TBL1XR1: variants seen among roughly 807,000 people sequenced by gnomAD.
TBL1XR1 encodes TBL1X/Y related 1.
TBL1XR1 carries 5 observed loss-of-function variants against 66.9 expected under a neutral mutation model. The ratio of observed to expected loss-of-function variants is 0.07; its 90% CI spans 0.04 to 0.16. TBL1XR1 has a LOEUF of 0.16. Among genes scored for constraint, TBL1XR1 ranks in the 10% least tolerant of loss-of-function variants. The pLI, the probability that TBL1XR1 is intolerant of heterozygous loss-of-function variation, is 1.00. For missense variants in TBL1XR1, 238 were observed against 623.2 expected (o/e 0.38, Z 6.58); for synonymous variants, 210 against 206.0 (o/e 1.02, Z -0.17).
At chr3:177,191,039 A>T (rs147818363) in intron 1 of TBL1XR1, among the ~76,000 whole-genome samples, 101 of 152,314 alleles carry the variant, frequency 6.6e-4, no homozygotes, top group African/African-American at 2.3e-3. Context: ...TATAAGAAGG[A>T]CAAAGGGAAC....
chr3:177,042,890 G>A (rs1036457080), intron 10 of TBL1XR1, among the ~76,000 whole-genome samples: 2 of 151,844 alleles, frequency 1.3e-5, no homozygotes, highest in African/African-American at 4.8e-5. Flanking sequence ...GAAGAAGGAT[G>A]CATTTATTAC....
intron 4 of TBL1XR1, 122 bp downstream of exon 4, chr3:177,053,651 T>C (rs529050281): frequency 3.2e-6 from 3 of 929,420 alleles, no homozygotes; most frequent in East Asian, 2.6e-5. Context: ...AGGGATGAAC[T>C]GCCTGCACTT....
At chr3:177,186,794 T>C (rs757566040) in intron 1 of TBL1XR1, among the ~76,000 whole-genome samples, 1 of 152,186 alleles carries the variant, frequency 6.6e-6, no homozygotes, top group Non-Finnish European at 1.5e-5. Context: ...ACTCATAAAA[T>C]TGAAATCATG....
intron 1 of TBL1XR1, among the ~76,000 whole-genome samples, chr3:177,196,025 G>C (rs1248399039): frequency 1.3e-5 from 2 of 151,984 alleles, no homozygotes; most frequent in Non-Finnish European, 2.9e-5. Flanking sequence ...CTAACAAAGA[G>C]AGCATTTTTT....
intron 1 of TBL1XR1, among the ~76,000 whole-genome samples, chr3:177,124,865 G>A (rs532446024): frequency 1.3e-5 from 2 of 152,096 alleles, no homozygotes; most frequent in African/African-American, 2.4e-5. Flanking sequence ...TACGACAACT[G>A]AACAGCTAAA....
At chr3:177,106,743 C>T (rs1724939869) in intron 1 of TBL1XR1, among the ~76,000 whole-genome samples, 1 of 152,058 alleles carries the variant, frequency 6.6e-6, no homozygotes, top group African/African-American at 2.4e-5. Flanking sequence ...GAAGACAGTC[C>T]GCTAACAGGG....
intron 1 of TBL1XR1, among the ~76,000 whole-genome samples, chr3:177,148,012 G>GACAC (rs1730455422): frequency 6.6e-6 from 1 of 152,194 alleles, no homozygotes; most frequent in South Asian, 2.1e-4. Context: ...CATTAAGAAA[G>GACAC]TTATCTCTGT....
At chr3:177,163,272 C>G (rs796921540) in intron 1 of TBL1XR1, among the ~76,000 whole-genome samples, 105 of 152,148 alleles carry the variant, frequency 6.9e-4, no homozygotes, top group African/African-American at 2.4e-3. Context: ...TTTGGGAGGC[C>G]AAGGCGGGCA....
At chr3:177,035,441 G>A (rs1198914816) in intron 12 of TBL1XR1, among the ~76,000 whole-genome samples, 4 of 132,218 alleles carry the variant, frequency 3.0e-5, no homozygotes, top group African/African-American at 1.2e-4. Flanking sequence ...TGGAGATGAA[G>A]TCTCACTCTC....
At chr3:177,037,391 G>C (rs1224843600) in intron 12 of TBL1XR1, 1 of 152,162 alleles carries the variant, frequency 6.6e-6, no homozygotes, top group Admixed American at 6.5e-5. Flanking sequence ...CTGAGTCACA[G>C]GGTACAGATA....
intron 10 of TBL1XR1, among the ~76,000 whole-genome samples, chr3:177,042,823 T>C (rs1715774195): frequency 6.6e-6 from 1 of 152,150 alleles, no homozygotes; most frequent in Admixed American, 6.5e-5. Context: ...TCTGATTTAC[T>C]TTCATTAACC....
chr3:177,196,703 T>C (rs76283107), intron 1 of TBL1XR1, among the ~76,000 whole-genome samples: 1 of 149,646 alleles, frequency 6.7e-6, no homozygotes, highest in Non-Finnish European at 1.5e-5. Context: ...GGCTCCTTGA[T>C]TCAATTTGCT....
At chr3:177,139,108 G>A (rs1456782797) in intron 1 of TBL1XR1, among the ~76,000 whole-genome samples, 2 of 152,110 alleles carry the variant, frequency 1.3e-5, no homozygotes, top group Non-Finnish European at 2.9e-5. Context: ...TCAGCGAACA[G>A]ACAAACATAT....
At chr3:177,036,599 GTTT>G (rs1714821664) in intron 12 of TBL1XR1, among the ~76,000 whole-genome samples, 1 of 152,146 alleles carries the variant, frequency 6.6e-6, no homozygotes, top group Non-Finnish European at 1.5e-5. Context: ...TCCAGAAGAA[GTTT>G]TTTTCATGTT....
At chr3:177,066,954 C>G (rs1043347256) in intron 2 of TBL1XR1, among the ~76,000 whole-genome samples, 1 of 152,118 alleles carries the variant, frequency 6.6e-6, no homozygotes, top group Non-Finnish European at 1.5e-5. Context: ...TTTATATAAC[C>G]TGAATGTTTA....
chr3:177,055,694 T>C (rs1717718798), intron 3 of TBL1XR1, among the ~76,000 whole-genome samples: 1 of 151,960 alleles, frequency 6.6e-6, no homozygotes, highest in East Asian at 1.9e-4. Flanking sequence ...GGAGAAACAA[T>C]GAGAGACATA....
chr3:177,047,670 CT>C, intron 7 of TBL1XR1, 121 bp from the exon 8 acceptor site: 2 of 1,196,484 alleles, frequency 1.7e-6, no homozygotes, highest in Non-Finnish European at 2.4e-6. Context: ...TGCTTCAAAA[CT>C]TGTCAGTTTT....
At chr3:177,187,766 G>GA (rs1455628307) in intron 1 of TBL1XR1, among the ~76,000 whole-genome samples, 4 of 151,306 alleles carry the variant, frequency 2.6e-5, no homozygotes, top group Admixed American at 1.3e-4. Context: ...AGGTTATCAG[G>GA]AAAAAAAGCA....
intron 2 of TBL1XR1, among the ~76,000 whole-genome samples, chr3:177,066,033 A>T (rs1008875708): frequency 3.3e-5 from 5 of 152,174 alleles, no homozygotes; most frequent in African/African-American, 1.2e-4. Flanking sequence ...CACAGAGTGT[A>T]GTTTGCCAAT....
Sources: allele counts gnomAD v4.1 joint callset (sites outside exome capture counted in the v4.1 genomes callset), GRCh38; gene constraint gnomAD v4.1.1; transcripts MANE v1.5; gene names NCBI Gene and HGNC (gene_info 2026-07-23, HGNC 2026-07-21).